Variants in ATG4D observed in about 807,000 individuals in gnomAD.
The protein encoded by ATG4D is cysteine protease ATG4D.
Under a neutral mutation model 55.2 loss-of-function variants are expected in ATG4D, and 51 were observed. That is an observed-to-expected ratio of 0.92 (90% CI 0.74 to 1.17). The LOEUF (loss-of-function observed/expected upper bound fraction) is 1.17, where lower values mean the gene tolerates loss of function less well. Among genes scored for constraint, ATG4D ranks in the 50% most tolerant of loss-of-function variants. ATG4D has a pLI of 0.00. For synonymous variants in ATG4D, 268 were observed against 266.2 expected, an observed-to-expected ratio of 1.01 and a Z score of -0.07; for missense variants, 635 against 649.6, an observed-to-expected ratio of 0.98 and a Z score of 0.25.
chr19:10,552,430 C>A (rs1160719521), intron 9 of ATG4D, 106 bp downstream of exon 9: 32 of 1,409,412 alleles, frequency 2.3e-5, no homozygotes, highest in Non-Finnish European at 2.6e-5. Flanking sequence ...GTGCTGCTTC[C>A]AGGCTAGGGG....
Position 10,553,305 on chromosome 19 carries a change from C to T in ATG4D, c.*238C>T, listed in dbSNP as rs1399727978. 3.8e-6 allele frequency: 2 copies of T among 521,538 alleles called. No individual in the cohort carries two copies. Among genetic ancestry groups the T allele is most frequent in the African/African-American group, 1.9e-5 (1 of 52,974 alleles). 32.3% of individuals were successfully genotyped at this position (521,538 alleles called of 1,614,324 possible). ...GGGAAGGAGGACCCCGGGCACCCCC[C>T]TCAGGGCCTGACTCACGTACTGTAG... On this transcript the variant is annotated 3_prime_UTR_variant, in exon 10 of 10. Transcript: ENST00000309469.
rs1321394027 is a variant in ATG4D, at chr19:10,544,306, C to T, written c.216C>T (p.Ala72=). 1.5e-6 allele frequency: 2 copies of T among 1,309,166 alleles called. No individual in the cohort carries two copies. The highest frequency in any genetic ancestry group is 1.5e-5 in the African/African-American group (1 of 66,368). The allele number at this position is 1,309,166 out of a possible 1,614,324, so 81.1% of individuals were successfully genotyped here. A position where few individuals can be genotyped will look rare whatever the true frequency, so the allele number is the denominator to read the frequency against. The stretch of plus-strand genomic sequence containing the variant: ...AGTTCAAGGCCAAGTTCCTGACAGC[C>T]TGGAACAACGTCAAGTACGGTGAGG... ...VDKFKAKFLT[A]WNNVKYGWVV... Residue 72 remains alanine (A), a synonymous_variant, in exon 1 of 10, where the codon GCC becomes GCT. Coordinates refer to ENST00000309469, the MANE Select transcript of ATG4D (RefSeq NM_032885.6).
At chr19:10,549,473 A>G (rs1265583305) in intron 6 of ATG4D, among the ~76,000 whole-genome samples, 1 of 150,286 alleles carries the variant, frequency 6.7e-6, no homozygotes, top group Non-Finnish European at 1.5e-5. Flanking sequence ...GCTGGAGTGC[A>G]GTGGCACAGT....
rs1026886123 is a variant in ATG4D, at chr19:10,551,908, T to C, written c.978T>C (p.Arg326=). 6.2e-7 allele frequency: 1 copy of C among 1,613,968 alleles called. No homozygotes were observed. Among genetic ancestry groups the C allele is most frequent in the African/African-American group, 1.3e-5 (1 of 74,994 alleles). Residue 326 remains arginine (R), a synonymous_variant, in exon 7 of 10, where the codon CGT becomes CGC. Coordinates refer to ENST00000309469, the MANE Select transcript of ATG4D (RefSeq NM_032885.6). Reference sequence around the variant, plus strand: ...CCTCCTCCCTGCAGGAACTCCTGCGTTGCGAGCTGTGCCTGGGCATCATGG... The same window carrying C: ...CCTCCTCCCTGCAGGAACTCCTGCGCTGCGAGCTGTGCCTGGGCATCATGG... ...VYVPCVKELL[R]CELCLGIMGG...
rs752851309 is a variant in ATG4D, at chr19:10,545,100, C to G, written c.463C>G (p.Gln155Glu). ...ACGCAGCGGCCAGATGATGCTGGCA[C>G]AGGGCCTTCTGCTGCATTTCCTGCC... Reference protein sequence around the residue: ...MLRSGQMMLAQGLLLHFLPRD... With the variant: ...MLRSGQMMLAEGLLLHFLPRD... The change falls in exon 3 of 10, where the codon CAG (glutamine) becomes GAG (glutamate). Residue 155 changes from glutamine (Q) to glutamate (E), a missense_variant. Transcript: ENST00000309469. 1.2e-6 allele frequency: 2 copies of G among 1,611,890 alleles called. No homozygotes were observed. Among genetic ancestry groups the G allele is most frequent in the African/African-American group, 1.3e-5 (1 of 74,936 alleles).
Position 10,544,829 on chromosome 19 carries a change from C to A in ATG4D, c.282C>A (p.Ile94=), listed in dbSNP as rs758534506. 6.2e-7 allele frequency: 1 copy of A among 1,613,960 alleles called. No individual in the cohort carries two copies. Among genetic ancestry groups the A allele is most frequent in the Non-Finnish European group, 8.5e-7 (1 of 1,179,878 alleles). Residue 94 remains isoleucine (I), a synonymous_variant, in exon 2 of 10, where the codon ATC becomes ATA. Transcript: ENST00000309469. Reference sequence around the variant, plus strand: ...CCAGCTTTAGCAAGATCTCCAGCATCCACCTCTGTGGCCGCCGCTACCGTT... The same window carrying A: ...CCAGCTTTAGCAAGATCTCCAGCATACACCTCTGTGGCCGCCGCTACCGTT... ...SRTSFSKISS[I]HLCGRRYRFE...
At chr19:10,548,450 G>A (rs556959318) in intron 5 of ATG4D, among the ~76,000 whole-genome samples, 46 of 152,226 alleles carry the variant, frequency 3.0e-4, no homozygotes, top group African/African-American at 1.1e-3. Context: ...ATGGGCTTAC[G>A]TAGCTGCAAG....
rs760450241 is a variant in ATG4D, at chr19:10,552,192, C to G, written c.1123-13C>G. The G allele has an allele frequency of 6.2e-7, 1 of 1,611,662 alleles. No individual in the cohort carries two copies. Among genetic ancestry groups the G allele is most frequent in the Non-Finnish European group, 8.5e-7 (1 of 1,180,002 alleles). On this transcript the variant is annotated splice_polypyrimidine_tract_variant and intron_variant, in intron 8 of 9. Transcript: ENST00000309469. ...AGCCCAGCCTCTGAGCCTTCCTCGT[C>G]TGTCTGCCCCAGTCCTTCCACTGCA...
chr19:10,544,850 C>G lies in ATG4D; in HGVS notation c.303C>G (p.Tyr101Ter). 2 of 1,611,960 alleles carry G rather than the reference C, an allele frequency of 1.2e-6. No individual in the cohort carries two copies. The highest frequency in any genetic ancestry group is 1.7e-6 in the Non-Finnish European group (2 of 1,178,774). The change falls in exon 2 of 10, where the codon TAC (tyrosine) becomes TAG (stop). Residue 101 changes from tyrosine to a stop codon, truncating the protein, a stop_gained. Transcript: ENST00000309469. LOFTEE classifies it high-confidence loss of function. The stretch of plus-strand genomic sequence containing the variant: ...GCATCCACCTCTGTGGCCGCCGCTA[C>G]CGTTTCGAGGGCGAGGGTGAGCTGG... ...ISSIHLCGRR[Y>*]RFEGEGDIQR...
chr19:10,548,747 G>A (rs1444853699), intron 5 of ATG4D, among the ~76,000 whole-genome samples, 157 bp from the exon 6 acceptor site: 1 of 152,134 alleles, frequency 6.6e-6, no homozygotes, highest in East Asian at 1.9e-4. Context: ...ATTTTCTGGG[G>A]GTGTTTGGGG....
chr19:10,545,116 A>C lies in ATG4D; in HGVS notation c.479A>C (p.His160Pro). ...ATGCTGGCACAGGGCCTTCTGCTGC[A>C]TTTCCTGCCCAGAGGTGAGCCATAG... ...QMMLAQGLLLHFLPRDWTWAE... is the reference protein window; with the variant it reads ...QMMLAQGLLLPFLPRDWTWAE... Residue 160 changes from histidine (H) to proline (P), a missense_variant, in exon 3 of 10, where the codon CAT (histidine) becomes CCT (proline). Transcript: ENST00000309469. The C allele has an allele frequency of 6.2e-7, 1 of 1,610,740 alleles. No homozygotes were observed. Among genetic ancestry groups the C allele is most frequent in the Non-Finnish European group, 8.5e-7 (1 of 1,179,996 alleles).
chr19:10,547,761 A>G (rs1211210059), intron 5 of ATG4D, among the ~76,000 whole-genome samples: 83 of 149,438 alleles, frequency 5.6e-4, no homozygotes, highest in South Asian at 1.5e-3. Flanking sequence ...CAGAGGCACG[A>G]TCTCGGCTCA....
chr19:10,552,005 C>T (rs761626734), intron 7 of ATG4D, 30 bp downstream of exon 7: 12 of 1,593,916 alleles, frequency 7.5e-6, no homozygotes, highest in Admixed American at 1.7e-5. Flanking sequence ...ACTCCTCCCA[C>T]CCCCCACCGC....
chr19:10,551,641 G>A (rs1374863817), intron 6 of ATG4D, among the ~76,000 whole-genome samples: 7 of 151,248 alleles, frequency 4.6e-5, no homozygotes, highest in East Asian at 3.9e-4. Context: ...CGGAGGTTGC[G>A]GTGAGCCAAT....
In ATG4D at chr19:10,553,260, G is replaced by A. The variant is rs531141762; in HGVS notation, c.*193G>A. On this transcript the variant is annotated 3_prime_UTR_variant, in exon 10 of 10. Transcript: ENST00000309469. ...GCCCATACACCTGTCTCCCACCAGC[G>A]GGGCCCTCCTGGCAGGGTAGGGAAG... 28 of 702,708 alleles carry A rather than the reference G, an allele frequency of 4.0e-5. No homozygotes were observed. The East Asian group carries it at 5.1e-4, about 13-fold the overall frequency. The allele number at this position is 702,708 out of a possible 1,614,324, so 43.5% of individuals were successfully genotyped here.
At chr19:10,544,755 G>A (rs1275572382) in intron 1 of ATG4D, 28 bp from the exon 2 acceptor site, 4 of 1,612,254 alleles carry the variant, frequency 2.5e-6, no homozygotes, top group African/African-American at 1.3e-5. Flanking sequence ...GCTTCATCTC[G>A]CTGGGCGCTG....
chr19:10,552,606 G>A (rs981423143), intron 9 of ATG4D, among the ~76,000 whole-genome samples: 4 of 152,148 alleles, frequency 2.6e-5, no homozygotes, highest in African/African-American at 9.7e-5. Context: ...TACCCTTATG[G>A]GGGCGAGAGA....
rs371425272 is a variant in ATG4D at position 10,544,909 on chromosome 19, C to T, written c.319+43C>T. 8.8e-6 allele frequency: 14 copies of T among 1,588,386 alleles called. No individual in the cohort carries two copies. In the African/African-American group the frequency reaches 1.2e-4, roughly 14 times the overall value. ...ACCAGGGCTGGGGGAGGCCTCTCCA[C>T]GCCCGCCGGAGTGTCCCTGGTGGCA... On this transcript the variant is annotated intron_variant, in intron 2 of 9. Transcript: ENST00000309469.
intron 6 of ATG4D, among the ~76,000 whole-genome samples, chr19:10,549,636 C>T (rs961061158): frequency 3.9e-5 from 6 of 151,994 alleles, no homozygotes; most frequent in African/African-American, 1.4e-4. Context: ...CAGGCTGGTT[C>T]TCAAACTCCT....
Sources: gnomAD v4.1 joint callset for allele counts (sites outside exome capture counted in the v4.1 genomes callset) on GRCh38, gnomAD v4.1.1 for gene constraint, MANE v1.5 for transcripts, NCBI Gene and HGNC (gene_info 2026-07-23, HGNC 2026-07-21) for gene names.